The following SCAPER variants were observed in gnomAD, a reference collection of about 807,000 sequenced individuals.
SCAPER encodes S phase cyclin A-associated protein in the endoplasmic reticulum.
In SCAPER, 98 loss-of-function variants were observed where a neutral mutation model predicts 182.2. That is an observed-to-expected ratio of 0.54 (90% CI 0.46 to 0.64). SCAPER has a LOEUF of 0.64. Among genes scored for constraint, SCAPER ranks in the 30% least tolerant of loss-of-function variants. SCAPER has a pLI of 0.00. For synonymous variants in SCAPER, 605 were observed against 564.6 expected (o/e 1.07, Z -1.01); for missense variants, 1,432 against 1,690.0 (o/e 0.85, Z 2.68).
chr15:76,539,699 C>G (rs1055871804), intron 23 of SCAPER, among the ~76,000 whole-genome samples: 1 of 152,044 alleles, frequency 6.6e-6, no homozygotes, highest in Admixed American at 6.5e-5. Context: ...GCGCCCGCCA[C>G]CTCACCCAGC....
chr15:76,616,244 G>T (rs576425375), intron 22 of SCAPER, among the ~76,000 whole-genome samples: 145 of 152,288 alleles, frequency 9.5e-4, no homozygotes, highest in African/African-American at 3.3e-3. Context: ...TCTAATGACA[G>T]ATTAATGGAT....
intron 2 of SCAPER, among the ~76,000 whole-genome samples, chr15:76,864,485 G>A (rs1483443702): frequency 6.6e-6 from 1 of 152,154 alleles, no homozygotes. Context: ...TCACCTGGGA[G>A]TATGTTACTA....
intron 25 of SCAPER, among the ~76,000 whole-genome samples, chr15:76,436,231 C>T (rs2047189353): frequency 6.6e-6 from 1 of 152,050 alleles, no homozygotes. Context: ...TTACACCTGG[C>T]TAATTTTTGT....
chr15:76,798,945 GAAGACTCCAGTA>G (rs1173882684), intron 7 of SCAPER, among the ~76,000 whole-genome samples: 1 of 151,980 alleles, frequency 6.6e-6, no homozygotes, highest in Non-Finnish European at 1.5e-5. Flanking sequence ...ATGAAGAAAT[GAAGACTCCAGTA>G]AAGGACTAGA....
chr15:76,555,199 A>G (rs890888218), intron 23 of SCAPER, among the ~76,000 whole-genome samples: 1 of 152,214 alleles, frequency 6.6e-6, no homozygotes, highest in African/African-American at 2.4e-5. Context: ...AAGGGAATTC[A>G]TTACCAGCAG....
At chr15:76,543,205 A>C (rs2044940623) in intron 23 of SCAPER, among the ~76,000 whole-genome samples, 1 of 152,204 alleles carries the variant, frequency 6.6e-6, no homozygotes, top group South Asian at 2.1e-4. Flanking sequence ...AAAGGAAACC[A>C]TTCGCAACTA....
chr15:76,834,667 T>A (rs151029887), intron 5 of SCAPER, among the ~76,000 whole-genome samples: 1 of 151,912 alleles, frequency 6.6e-6, no homozygotes, highest in Non-Finnish European at 1.5e-5. Flanking sequence ...CTAGGTAGAT[T>A]AATAAAGAAA....
intron 21 of SCAPER, among the ~76,000 whole-genome samples, chr15:76,632,436 A>T (rs1212651965): frequency 6.6e-6 from 1 of 151,916 alleles, no homozygotes; most frequent in Non-Finnish European, 1.5e-5. Flanking sequence ...TTTGTGATCC[A>T]CCCACCTCGG....
At chr15:76,749,579 G>A (rs1240865398) in intron 15 of SCAPER, among the ~76,000 whole-genome samples, 2 of 151,978 alleles carry the variant, frequency 1.3e-5, no homozygotes, top group Non-Finnish European at 2.9e-5. Context: ...TAGCAAGGTT[G>A]TAAAACACAA....
rs982536916 is a variant in SCAPER at position 76,561,729 on chromosome 15, G to A, written c.2838+12429C>T. On this transcript the variant is annotated intron_variant, in intron 23 of 31. Transcript: ENST00000563290. Reference sequence around the variant, plus strand: ...GTCTCTACCTCACTTTTTTTTTTTAGACGGAGTTTCGCTCCTTTTGCCCAG... The same window carrying A: ...GTCTCTACCTCACTTTTTTTTTTTAAACGGAGTTTCGCTCCTTTTGCCCAG... Among the ~76,000 whole-genome samples, 4 of 149,972 alleles carry A rather than the reference G, an allele frequency of 2.7e-5. No homozygotes were observed. The South Asian group carries it at 8.4e-4, about 32-fold the overall frequency.
chr15:76,471,169 C>T (rs1028607758), intron 25 of SCAPER, 43 bp downstream of exon 25: 21 of 1,491,450 alleles, frequency 1.4e-5, no homozygotes, highest in Non-Finnish European at 1.9e-5. Flanking sequence ...GACTATTTCT[C>T]AAACCTTAAC....
chr15:76,552,358 G>C (rs541486590), intron 23 of SCAPER, among the ~76,000 whole-genome samples: 21 of 152,210 alleles, frequency 1.4e-4, no homozygotes, highest in African/African-American at 5.1e-4. Context: ...TCCCACTAAA[G>C]GACTGCACAT....
In SCAPER at chr15:76,530,569, G is replaced by A. The variant is rs142094064; in HGVS notation, c.2839-25595C>T. Among the ~76,000 whole-genome samples the A allele has an allele frequency of 1.6e-4, 25 of 152,244 alleles. No homozygotes were observed. The East Asian group carries it at 3.9e-3, about 23-fold the overall frequency. On this transcript the variant is annotated intron_variant, in intron 23 of 31. Coordinates refer to ENST00000563290, the MANE Select transcript of SCAPER (RefSeq NM_020843.4). ...CTATGGGAAATTTATTAACCTCTTTGTGGTCACACTTAGGAGGGTCTTGTT... is the reference window on the plus strand; with the variant it reads ...CTATGGGAAATTTATTAACCTCTTTATGGTCACACTTAGGAGGGTCTTGTT...
At chr15:76,703,476 A>T (rs2059075115) in intron 18 of SCAPER, among the ~76,000 whole-genome samples, 1 of 152,216 alleles carries the variant, frequency 6.6e-6, no homozygotes, top group Non-Finnish European at 1.5e-5. Flanking sequence ...GGCAAGGCCC[A>T]TCATGACCAA....
In SCAPER at chr15:76,498,778, G is replaced by A. The variant is rs551160764; in HGVS notation, c.2954+6081C>T. ...GCAATATTGCCAAGTAAAGTCACAA[G>A]TTTTACTTTGGAGAATAAATTTGTG... is the stretch of plus-strand genomic sequence containing the variant. On this transcript the variant is annotated intron_variant, in intron 24 of 31. Transcript: ENST00000563290. 8.5e-5 allele frequency among the ~76,000 whole-genome samples: 13 copies of A among 152,290 alleles called. No individual in the cohort carries two copies. In the South Asian group the frequency reaches 2.7e-3, roughly 32 times the overall value.
intron 23 of SCAPER, among the ~76,000 whole-genome samples, chr15:76,559,217 T>A (rs1369800245): frequency 6.8e-6 from 1 of 147,822 alleles, no homozygotes; most frequent in African/African-American, 2.6e-5. Context: ...TTTTTTTTTT[T>A]TTTTTTTTTG....
intron 18 of SCAPER, 41 bp from the exon 19 acceptor site, chr15:76,703,043 C>G (rs2059048539): frequency 6.6e-7 from 1 of 1,510,028 alleles, no homozygotes; most frequent in African/African-American, 1.4e-5. Context: ...AAAAATTATT[C>G]AAATTATGGT....
At chr15:76,406,615 T>TAC (rs36219509) in intron 26 of SCAPER, among the ~76,000 whole-genome samples, 5,971 of 149,646 alleles carry the variant, frequency 0.04, 399 homozygotes, top group African/African-American at 0.14. Context: ...AGACCCTGTC[T>TAC]ACACACACAC....
intron 20 of SCAPER, among the ~76,000 whole-genome samples, chr15:76,669,967 A>C (rs1010513048): frequency 1.3e-5 from 2 of 152,214 alleles, no homozygotes; most frequent in African/African-American, 4.8e-5. Flanking sequence ...GTCACTAAAC[A>C]AAAAAACTTG....
Sources: gnomAD v4.1 joint callset for allele counts (sites outside exome capture counted in the v4.1 genomes callset) on GRCh38, gnomAD v4.1.1 for gene constraint, MANE v1.5 for transcripts, NCBI Gene and HGNC (gene_info 2026-07-23, HGNC 2026-07-21) for gene names.